DLG2: variants seen among roughly 807,000 people sequenced by gnomAD.
DLG2 encodes the protein discs large MAGUK scaffold protein 2.
DLG2 carries 45 observed loss-of-function variants against 132.5 expected under a neutral mutation model. The ratio of observed to expected loss-of-function variants is 0.34; its 90% CI spans 0.27 to 0.44. The LOEUF is 0.44. Ranked by LOEUF, DLG2 falls within the 20% of genes least tolerant of loss-of-function variation. The pLI is 1.00. For synonymous variants in DLG2, 424 were observed against 419.6 expected, an observed-to-expected ratio of 1.01 and a Z score of -0.13; for missense variants, 1,045 against 1,196.9, an observed-to-expected ratio of 0.87 and a Z score of 1.87.
chr11:83,512,176 G>A (rs2139966707), intron 21 of DLG2, among the ~76,000 whole-genome samples: 1 of 152,266 alleles, frequency 6.6e-6, no homozygotes, highest in Middle Eastern at 3.4e-3. Context: ...GCAGAGGAAA[G>A]GCCTGCCCAA....
At chr11:84,927,137 A>G (rs967582838) in intron 6 of DLG2, among the ~76,000 whole-genome samples, 4 of 151,974 alleles carry the variant, frequency 2.6e-5, no homozygotes, top group African/African-American at 9.7e-5. Context: ...CTGGATTATA[A>G]AAAAAGTTTT....
At chr11:84,484,278 T>C (rs2099145445) in intron 7 of DLG2, among the ~76,000 whole-genome samples, 1 of 152,210 alleles carries the variant, frequency 6.6e-6, no homozygotes, top group Non-Finnish European at 1.5e-5. Flanking sequence ...TCCTTCATTA[T>C]TCCTTTCCCC....
rs72957604 is a variant in DLG2 at position 84,282,401 on chromosome 11, G to A, written c.520-31110C>T. On this transcript the variant is annotated intron_variant, in intron 7 of 27. Coordinates refer to ENST00000376104, the MANE Select transcript of DLG2 (RefSeq NM_001142699.3). ...GTAGTTGGAGGGAGGGATTACAAAAGTCTGGAGAGATTACAAAAAGGCATG... is the reference window on the plus strand; with the variant it reads ...GTAGTTGGAGGGAGGGATTACAAAAATCTGGAGAGATTACAAAAAGGCATG... Among the ~76,000 whole-genome samples, 835 of 152,284 alleles carry A rather than the reference G, an allele frequency of 5.5e-3. 2 individuals carry two copies. The highest frequency in any genetic ancestry group is 8.6e-3 in the Non-Finnish European group (586 of 68,008).
chr11:84,349,325 C>T (rs757755768), intron 7 of DLG2, among the ~76,000 whole-genome samples: 7 of 152,114 alleles, frequency 4.6e-5, no homozygotes, highest in Non-Finnish European at 1.0e-4. Context: ...ACCCCCTGCC[C>T]CCACCTTCTT....
intron 11 of DLG2, among the ~76,000 whole-genome samples, chr11:84,038,432 A>C (rs1205018296): frequency 3.9e-5 from 6 of 152,150 alleles, no homozygotes; most frequent in African/African-American, 1.4e-4. Flanking sequence ...AATGTAAATC[A>C]AAACCACAAT....
At chr11:84,395,561 A>T (rs79520807) in intron 7 of DLG2, among the ~76,000 whole-genome samples, 3,740 of 152,188 alleles carry the variant, frequency 0.025, 128 homozygotes, top group African/African-American at 0.074. Context: ...GGGACTACAG[A>T]TGCACACCAC....
chr11:85,602,759 A>G (rs913639455), intron 2 of DLG2, among the ~76,000 whole-genome samples: 2 of 152,180 alleles, frequency 1.3e-5, no homozygotes, highest in Admixed American at 1.3e-4. Context: ...CTCTTGCTCA[A>G]TCTACTCCAA....
chr11:85,544,202 T>C (rs186462073), intron 3 of DLG2, among the ~76,000 whole-genome samples: 2 of 152,330 alleles, frequency 1.3e-5, no homozygotes, highest in Admixed American at 1.3e-4. Flanking sequence ...TTCAGCTTTC[T>C]ACATATGGCT....
chr11:84,568,577 G>A (rs1488524515), intron 6 of DLG2, among the ~76,000 whole-genome samples: 3 of 152,134 alleles, frequency 2.0e-5, no homozygotes, highest in African/African-American at 7.2e-5. Context: ...GAAGCATGTT[G>A]GGAGGCTCAA....
intron 3 of DLG2, among the ~76,000 whole-genome samples, chr11:85,501,511 A>G (rs1261410416): frequency 3.3e-5 from 5 of 152,206 alleles, no homozygotes; most frequent in African/African-American, 4.8e-5. Context: ...AATTTTTGCA[A>G]TCTATCCATC....
chr11:84,426,302 C>G (rs1177101236), intron 7 of DLG2, among the ~76,000 whole-genome samples: 3 of 151,920 alleles, frequency 2.0e-5, no homozygotes, highest in African/African-American at 7.3e-5. Context: ...GATATTGGAC[C>G]AAAAAAATTC....
intron 6 of DLG2, among the ~76,000 whole-genome samples, chr11:84,709,311 T>G (rs1169663627): frequency 6.6e-6 from 1 of 151,446 alleles, no homozygotes; most frequent in African/African-American, 2.4e-5. Flanking sequence ...GAGTCTTGGG[T>G]ATGAACATGA....
chr11:83,924,048 T>C (rs2078462885), intron 15 of DLG2, among the ~76,000 whole-genome samples: 1 of 152,098 alleles, frequency 6.6e-6, no homozygotes, highest in Non-Finnish European at 1.5e-5. Context: ...TGCCTTTATA[T>C]AACACGATGC....
At chr11:84,527,126 G>C (rs371632982) in intron 7 of DLG2, among the ~76,000 whole-genome samples, 1 of 152,102 alleles carries the variant, frequency 6.6e-6, no homozygotes, top group Admixed American at 6.5e-5. Flanking sequence ...GGGGACTACT[G>C]TATAGTTCAA....
chr11:84,306,417 A>G (rs1161972592), intron 7 of DLG2, among the ~76,000 whole-genome samples: 1 of 152,184 alleles, frequency 6.6e-6, no homozygotes, highest in Non-Finnish European at 1.5e-5. Context: ...GTGTGTCAAT[A>G]CTAAAATCAG....
rs10688898 is a variant in DLG2, at chr11:83,667,975, C to CAAA, written c.1826-34653_1826-34651dup. Among the ~76,000 whole-genome samples, 240 of 39,224 alleles carry CAAA rather than the reference C, an allele frequency of 6.1e-3. 27 individuals are homozygous for CAAA. The highest frequency in any genetic ancestry group is 0.02 in the African/African-American group (165 of 8,080). 25.7% of individuals were successfully genotyped at this position (39,224 alleles called of 152,430 possible). Reference sequence around the variant, plus strand: ...CGGGCGACAGAGTGAGACTCCGTCTCAAAAAAAAAAAAAAAAAAAAAAGAA... The same window carrying CAAA: ...CGGGCGACAGAGTGAGACTCCGTCTCAAAAAAAAAAAAAAAAAAAAAAAAAGAA... On this transcript the variant is annotated intron_variant, in intron 18 of 27. Coordinates refer to ENST00000376104, the MANE Select transcript of DLG2 (RefSeq NM_001142699.3).
At chr11:85,296,870 TA>T (rs1226015441) in intron 3 of DLG2, among the ~76,000 whole-genome samples, 1 of 150,036 alleles carries the variant, frequency 6.7e-6, no homozygotes, top group African/African-American at 2.4e-5. Context: ...TTATTATAAT[TA>T]TGATGTAATT....
At chr11:84,267,579 C>A (rs572179775) in intron 7 of DLG2, among the ~76,000 whole-genome samples, 1 of 152,292 alleles carries the variant, frequency 6.6e-6, no homozygotes, top group East Asian at 1.9e-4. Flanking sequence ...AATTTGTTGT[C>A]AGGCTAAAAG....
intron 11 of DLG2, among the ~76,000 whole-genome samples, chr11:84,005,014 CAACCAAAAAACCCCAA>C (rs1424960179): frequency 4.7e-5 from 7 of 149,254 alleles, no homozygotes; most frequent in Non-Finnish European, 8.9e-5. Flanking sequence ...AAAATCCCCC[CAACCAAAAAACCCCAA>C]AACCAAAAAC....
Sources: gnomAD v4.1 joint callset for allele counts (sites outside exome capture counted in the v4.1 genomes callset) on GRCh38, gnomAD v4.1.1 for gene constraint, MANE v1.5 for transcripts, NCBI Gene and HGNC (gene_info 2026-07-23, HGNC 2026-07-21) for gene names.